Variants in MIAT observed in about 807,000 individuals in gnomAD.
MIAT encodes MI related novel mRNA.
intron 2 of MIAT, among the ~76,000 whole-genome samples, chr22:26,661,710 C>G (rs1317799112): frequency 2.0e-5 from 3 of 151,888 alleles, no homozygotes; most frequent in African/African-American, 7.3e-5. Flanking sequence ...AACTACTACA[C>G]TATGCCACTC....
downstream of MIAT, chr22:26,673,605 A>G (rs145654488): frequency 4.1e-4 from 162 of 398,856 alleles, no homozygotes; most frequent in African/African-American, 3.0e-3. Flanking sequence ...GTTACTGTTA[A>G]CAGCTTGGAT....
chr22:26,657,915 G>A (rs1930520410), intron 2 of MIAT, among the ~76,000 whole-genome samples: 1 of 152,212 alleles, frequency 6.6e-6, no homozygotes, highest in Admixed American at 6.5e-5. Flanking sequence ...GGAGTCCAGT[G>A]CGAATGGGGA....
chr22:26,663,773 C>G (rs1930752111), intron 3 of MIAT, among the ~76,000 whole-genome samples: 1 of 152,134 alleles, frequency 6.6e-6, no homozygotes, highest in African/African-American at 2.4e-5. Flanking sequence ...GTTTAAAGCA[C>G]ACATTTCAAT....
At chr22:26,673,573 A>G, downstream of MIAT, 1 of 398,742 alleles carries the variant, frequency 2.5e-6, no homozygotes, top group Non-Finnish European at 4.4e-6. Flanking sequence ...TTTTCTGACT[A>G]ACAACAGGTC....
chr22:26,663,848 C>T (rs368285509), intron 3 of MIAT, among the ~76,000 whole-genome samples: 3 of 152,052 alleles, frequency 2.0e-5, no homozygotes, highest in African/African-American at 4.8e-5. Flanking sequence ...ACATTTTCAT[C>T]GTTCTAAAAT....
chr22:26,658,745 C>G (rs1196701096), intron 2 of MIAT, among the ~76,000 whole-genome samples: 2 of 152,294 alleles, frequency 1.3e-5, no homozygotes, highest in Non-Finnish European at 2.9e-5. Context: ...ACTGCAGTGC[C>G]GCCGCGGGGA....
chr22:26,666,744 C>G (rs1053871112), exon 4 of MIAT: 1 of 398,706 alleles, frequency 2.5e-6, no homozygotes, highest in Non-Finnish European at 4.4e-6. Flanking sequence ...TGGGCCCAGC[C>G]TCCCTGGCTC....
At chr22:26,669,880 T>C, downstream of MIAT, 1 of 398,738 alleles carries the variant, frequency 2.5e-6, no homozygotes. Flanking sequence ...GCTACAACCC[T>C]GGGCAAGTTA....
chr22:26,671,609 G>A, downstream of MIAT: 1 of 398,812 alleles, frequency 2.5e-6, no homozygotes. Flanking sequence ...GCTCCAGAAG[G>A]CTCTGCCTAT....
chr22:26,669,005 G>A, exon 6 of MIAT: 1 of 398,574 alleles, frequency 2.5e-6, no homozygotes. Context: ...CTTACCCAAA[G>A]GCTTAAGGGG....
chr22:26,666,921 C>T lies in MIAT; in HGVS notation n.2120C>T, dbSNP rs1602367445. 4.9e-5 allele frequency: 7 copies of T among 143,070 alleles called. No homozygotes were observed. In the East Asian group the frequency reaches 9.7e-4, roughly 20 times the overall value. The allele number at this position is 143,070 out of a possible 1,614,324, so 8.9% of individuals were successfully genotyped here. A position where few individuals can be genotyped will look rare whatever the true frequency, so the allele number is the denominator to read the frequency against. On this transcript the variant is annotated non_coding_transcript_exon_variant, in exon 4 of 6. Coordinates refer to ENST00000643270, the Ensembl canonical transcript of MIAT. ...CTGGGAGCCTGGGCTGCCTGTGTGT[C>T]GGCTGGATGCTGCCAGGTAAGCCTG...
chr22:26,648,985 A>G (rs958273925), intron 2 of MIAT, among the ~76,000 whole-genome samples: 4 of 151,968 alleles, frequency 2.6e-5, no homozygotes, highest in Non-Finnish European at 5.9e-5. Flanking sequence ...CACTTGCATG[A>G]GGCCCAAAAA....
At chr22:26,669,137 C>T (rs1412084790) in exon 6 of MIAT, 1 of 398,626 alleles carries the variant, frequency 2.5e-6, no homozygotes, top group Non-Finnish European at 4.4e-6. Flanking sequence ...ATCTGCAATT[C>T]CAGCTCCCTC....
chr22:26,650,786 A>T (rs1030205259), intron 2 of MIAT, among the ~76,000 whole-genome samples: 1 of 152,210 alleles, frequency 6.6e-6, no homozygotes, highest in African/African-American at 2.4e-5. Flanking sequence ...AGGGGAAAAA[A>T]GGATTCAGGA....
intron 2 of MIAT, among the ~76,000 whole-genome samples, chr22:26,654,986 AC>A (rs1930399695): frequency 1.3e-5 from 2 of 152,218 alleles, no homozygotes; most frequent in African/African-American, 4.8e-5. Flanking sequence ...TGCTGGGATT[AC>A]AGGCGTGAGC....
intron 2 of MIAT, among the ~76,000 whole-genome samples, chr22:26,658,731 C>T (rs1325547286): frequency 6.6e-6 from 1 of 152,214 alleles, no homozygotes; most frequent in East Asian, 1.9e-4. Context: ...GGCGCGCACA[C>T]CCCACTGCAG....
chr22:26,661,945 T>TCC (rs1363369903), intron 2 of MIAT, among the ~76,000 whole-genome samples: 8 of 33,674 alleles, frequency 2.4e-4, no homozygotes, highest in East Asian at 2.0e-3. Context: ...TATATATATA[T>TCC]ATATATATAT....
chr22:26,669,915 C>T, downstream of MIAT: 1 of 398,732 alleles, frequency 2.5e-6, no homozygotes, highest in Non-Finnish European at 4.4e-6. Context: ...CTCCGATGCT[C>T]TGTGAAATGG....
At chr22:26,672,556 A>G, downstream of MIAT, 1 of 399,312 alleles carries the variant, frequency 2.5e-6, no homozygotes, top group Non-Finnish European at 4.4e-6. Flanking sequence ...TCTAGACTCT[A>G]GACTGTGGAG....
Sources: allele counts gnomAD v4.1 joint callset (sites outside exome capture counted in the v4.1 genomes callset), GRCh38; gene constraint gnomAD v4.1.1; transcripts MANE v1.5; gene names NCBI Gene and HGNC (gene_info 2026-07-23, HGNC 2026-07-21).